The following ST6GAL1 variants were observed in gnomAD, a reference collection of about 807,000 sequenced individuals.
ST6GAL1 encodes the protein ST6 beta-galactoside alpha-2,6-sialyltransferase 1.
Under a neutral mutation model 38.0 loss-of-function variants are expected in ST6GAL1, and 20 were observed. The ratio of observed to expected loss-of-function variants is 0.53; its 90% CI spans 0.37 to 0.77. The LOEUF (loss-of-function observed/expected upper bound fraction) is 0.77, where lower values mean the gene tolerates loss of function less well. Among genes scored for constraint, ST6GAL1 ranks in the 30% least tolerant of loss-of-function variants. The probability of loss-of-function intolerance (pLI) is 0.00; values close to 1 mark genes in which losing one functional copy is unlikely to be tolerated. For synonymous variants in ST6GAL1, 196 were observed against 188.2 expected (o/e 1.04, Z -0.34); for missense variants, 432 against 496.4 (o/e 0.87, Z 1.23).
At chr3:186,935,888 T>TAA (rs200642345) in intron 1 of ST6GAL1, among the ~76,000 whole-genome samples, 4 of 143,658 alleles carry the variant, frequency 2.8e-5, no homozygotes, top group South Asian at 2.2e-4. Context: ...CTAGAACTAG[T>TAA]AAAAAAAAAA....
At chr3:186,969,724 G>C (rs1015148113) in intron 2 of ST6GAL1, among the ~76,000 whole-genome samples, 1 of 152,200 alleles carries the variant, frequency 6.6e-6, no homozygotes. Context: ...ATCTCAGGAT[G>C]GGGAGTCAAG....
At chr3:187,053,309 C>A (rs1579363385) in intron 5 of ST6GAL1, among the ~76,000 whole-genome samples, 1 of 152,154 alleles carries the variant, frequency 6.6e-6, no homozygotes, top group Admixed American at 6.5e-5. Flanking sequence ...TTAATTAGAT[C>A]CCATTTGTCT....
In ST6GAL1 at chr3:186,952,859, C is replaced by T. The variant is rs185192464; in HGVS notation, c.-324-10926C>T. Among the ~76,000 whole-genome samples the T allele has an allele frequency of 1.9e-4, 29 of 152,290 alleles. No individual in the cohort carries two copies. The East Asian group carries it at 4.3e-3, about 22-fold the overall frequency. Reference sequence around the variant, plus strand: ...ATATGACAAGCCCAAAATCGAACTGCTGCTTTTCTCCCTAAAAGAGCCATC... The same window carrying T: ...ATATGACAAGCCCAAAATCGAACTGTTGCTTTTCTCCCTAAAAGAGCCATC... On this transcript the variant is annotated intron_variant, in intron 1 of 7. Transcript: ENST00000169298. The surrounding 1 kb of genome is among the most constrained non-coding windows in gnomAD (Gnocchi z 4.1).
In ST6GAL1 at chr3:186,991,941, T is replaced by C. The variant is rs569027467; in HGVS notation, c.-183+28015T>C. Reference sequence around the variant, plus strand: ...GTAACCTGCCCGTCATCTCTGGGGTTATCTCCAATTTTCAGTCTCCCTCAT... The same window carrying C: ...GTAACCTGCCCGTCATCTCTGGGGTCATCTCCAATTTTCAGTCTCCCTCAT... On this transcript the variant is annotated intron_variant, in intron 2 of 7. Transcript: ENST00000169298. Among the ~76,000 whole-genome samples, 6 of 152,262 alleles carry C rather than the reference T, an allele frequency of 3.9e-5. No homozygotes were observed. In the South Asian group the frequency reaches 1.2e-3, roughly 32 times the overall value.
intron 2 of ST6GAL1, among the ~76,000 whole-genome samples, chr3:187,000,065 A>C (rs1369411045): frequency 1.3e-5 from 2 of 150,208 alleles, no homozygotes; most frequent in Admixed American, 1.3e-4. Flanking sequence ...GGCCTCCAGC[A>C]TTCTTCCTGC....
chr3:187,067,834 G>A (rs1171686477), intron 5 of ST6GAL1, among the ~76,000 whole-genome samples: 3 of 152,120 alleles, frequency 2.0e-5, no homozygotes, highest in African/African-American at 7.2e-5. Flanking sequence ...CAATTCTCTT[G>A]TCTCTCTGGG....
At chr3:186,969,954 G>A (rs1715290203) in intron 2 of ST6GAL1, among the ~76,000 whole-genome samples, 1 of 152,154 alleles carries the variant, frequency 6.6e-6, no homozygotes, top group Non-Finnish European at 1.5e-5. Context: ...CTTACTGGCT[G>A]GGTGCCTTTT....
intron 5 of ST6GAL1, among the ~76,000 whole-genome samples, chr3:187,071,789 A>AAAG (rs1389146264): frequency 2.0e-5 from 3 of 150,960 alleles, no homozygotes; most frequent in African/African-American, 7.3e-5. Flanking sequence ...AAAAAAAAAA[A>AAAG]AAAAAAGAAA....
chr3:186,980,192 A>C (rs1388238521), intron 2 of ST6GAL1, among the ~76,000 whole-genome samples: 1 of 152,194 alleles, frequency 6.6e-6, no homozygotes, highest in Non-Finnish European at 1.5e-5. Context: ...TCTTGTTAAA[A>C]GAGCAATTCC....
intron 2 of ST6GAL1, among the ~76,000 whole-genome samples, chr3:186,984,950 C>A (rs1389715691): frequency 2.6e-5 from 4 of 151,466 alleles, no homozygotes; most frequent in Admixed American, 2.6e-4. Flanking sequence ...GCTCTGTCAC[C>A]CAGGCTGAAG....
At chr3:187,041,565 T>C (rs527385261) in intron 3 of ST6GAL1, among the ~76,000 whole-genome samples, 1 of 152,326 alleles carries the variant, frequency 6.6e-6, no homozygotes. Flanking sequence ...CTCTATTTGC[T>C]CAGTGAAATC....
At chr3:187,066,161 T>C (rs1719114977) in intron 5 of ST6GAL1, among the ~76,000 whole-genome samples, 1 of 152,340 alleles carries the variant, frequency 6.6e-6, no homozygotes, top group East Asian at 1.9e-4. Flanking sequence ...ATGGAACCCC[T>C]GCCATACAGT....
chr3:186,940,126 G>T (rs1486653802), intron 1 of ST6GAL1, among the ~76,000 whole-genome samples: 2 of 152,090 alleles, frequency 1.3e-5, no homozygotes, highest in Non-Finnish European at 2.9e-5. Context: ...TCTGGCTGTT[G>T]GTGGCTAGCT....
At chr3:186,939,268 G>A (rs1305681752) in intron 1 of ST6GAL1, among the ~76,000 whole-genome samples, 3 of 151,850 alleles carry the variant, frequency 2.0e-5, no homozygotes, top group Admixed American at 2.0e-4. Flanking sequence ...GTAGAGATGG[G>A]TGTCTCACCG....
intron 1 of ST6GAL1, among the ~76,000 whole-genome samples, chr3:186,947,918 A>T (rs1189467019): frequency 6.6e-6 from 1 of 152,256 alleles, no homozygotes; most frequent in Non-Finnish European, 1.5e-5. Flanking sequence ...GAAAATGTTC[A>T]CAGTCATAGA....
chr3:187,043,230 C>A lies in ST6GAL1; in HGVS notation c.527C>A (p.Thr176Asn). Residue 176 changes from threonine to asparagine, a missense_variant, in exon 4 of 8, where the codon ACC becomes AAC. Physicochemically the swap from Thr to Asn is moderately conservative, Grantham distance 65. Coordinates refer to ENST00000169298, the MANE Select transcript of ST6GAL1 (RefSeq NM_173216.2). ...TATCTGCCCAAGGAGAGCATTAGGA[C>A]CAAGGCTGGGCCTTGGGGCAGGTGT... ...EGYLPKESIR[T>N]KAGPWGRCAV... 1.2e-6 allele frequency: 2 copies of A among 1,614,204 alleles called. No individual in the cohort carries two copies. The highest frequency in any genetic ancestry group is 1.7e-6 in the Non-Finnish European group (2 of 1,180,036).
chr3:186,990,541 G>T (rs947453123), intron 2 of ST6GAL1, among the ~76,000 whole-genome samples: 1 of 152,016 alleles, frequency 6.6e-6, no homozygotes, highest in Admixed American at 6.6e-5. Context: ...TAGCTACTTG[G>T]TGTGAAGAAT....
intron 2 of ST6GAL1, among the ~76,000 whole-genome samples, chr3:187,031,126 C>T (rs1368926837): frequency 1.3e-5 from 2 of 152,162 alleles, no homozygotes; most frequent in Non-Finnish European, 2.9e-5. Flanking sequence ...GAAGAATAGG[C>T]ACCATGGAGT....
At chr3:187,002,043 C>CTTTTTTTTTTTTTTTTTTTTTTTTTTTT (rs1560158350) in intron 2 of ST6GAL1, among the ~76,000 whole-genome samples, 4 of 151,620 alleles carry the variant, frequency 2.6e-5, no homozygotes, top group African/African-American at 9.7e-5. Context: ...GCTTTGTTGC[C>CTTTTTTTTTTTTTTTTTTTTTTTTTTTT]TTATATTGGT....
Sources: gnomAD v4.1 joint callset for allele counts (sites outside exome capture counted in the v4.1 genomes callset) on GRCh38, gnomAD v4.1.1 for gene constraint, Gnocchi (gnomAD v3.1) non-coding constraint, MANE v1.5 for transcripts, NCBI Gene and HGNC (gene_info 2026-07-23, HGNC 2026-07-21) for gene names.